IGF2BP2: variants seen among roughly 807,000 people sequenced by gnomAD.
IGF2BP2 encodes the protein insulin like growth factor 2 mRNA binding protein 2, also known as insulin-like growth factor 2 mRNA-binding protein 2.
A neutral mutation model predicts 75.8 loss-of-function variants in IGF2BP2; 17 were observed. The ratio of observed to expected loss-of-function variants is 0.22; its 90% confidence interval spans 0.15 to 0.34. IGF2BP2 has a LOEUF of 0.34. IGF2BP2 is among the 10% of genes least tolerant of loss of function. The pLI is 1.00. For synonymous variants in IGF2BP2, 288 were observed against 295.6 expected, an observed-to-expected ratio of 0.97 and a Z score of 0.26; for missense variants, 516 against 772.4, an observed-to-expected ratio of 0.67 and a Z score of 3.93.
chr3:185,726,662 C>T (rs979906234), intron 2 of IGF2BP2, among the ~76,000 whole-genome samples: 2 of 152,134 alleles, frequency 1.3e-5, no homozygotes, highest in African/African-American at 4.8e-5. Context: ...TAGATATTAT[C>T]GTTGGATGAG....
At chr3:185,677,047 A>ATATATT (rs1719575927) in intron 7 of IGF2BP2, among the ~76,000 whole-genome samples, 1 of 45,384 alleles carries the variant, frequency 2.2e-5, no homozygotes, top group Non-Finnish European at 4.1e-5. Context: ...ATATGGAGAT[A>ATATATT]TATATATATA....
At chr3:185,824,680 G>A in intron 1 of IGF2BP2, 103 bp downstream of exon 1, 1 of 889,264 alleles carries the variant, frequency 1.1e-6, no homozygotes. Context: ...TGCGGGCGCG[G>A]GAGCCGCCGC....
intron 2 of IGF2BP2, among the ~76,000 whole-genome samples, chr3:185,755,250 C>T (rs555455330): frequency 2.0e-5 from 3 of 152,350 alleles, no homozygotes; most frequent in South Asian, 2.1e-4. Context: ...GCTCCAGCCA[C>T]GGTTCACAGG....
chr3:185,824,871 C>G lies in IGF2BP2; in HGVS notation c.90G>C (p.Leu30=), dbSNP rs139618324. 3.3e-4 allele frequency: 521 copies of G among 1,566,056 alleles called. No individual in the cohort carries two copies. Among genetic ancestry groups the G allele is most frequent in the Non-Finnish European group, 4.2e-4 (491 of 1,156,316 alleles). ...RQLFGDRKLP[L]AGQVLLKSGY... ...CGGACTTCAGCAGGACCTGTCCCGCCAGGGGCAGCTTCCTGTCCCCAAAGA... is the reference window on the plus strand; with the variant it reads ...CGGACTTCAGCAGGACCTGTCCCGCGAGGGGCAGCTTCCTGTCCCCAAAGA... The change falls in exon 1 of 16, where the codon CTG becomes CTC. Residue 30 remains leucine (L), a synonymous_variant. Transcript: ENST00000382199.
At chr3:185,768,678 T>C (rs1733434897) in intron 2 of IGF2BP2, among the ~76,000 whole-genome samples, 2 of 152,196 alleles carry the variant, frequency 1.3e-5, no homozygotes, top group Admixed American at 6.5e-5. Flanking sequence ...TGCCCTCTAG[T>C]GGTGGAGTAT....
chr3:185,773,954 T>C (rs910297291), intron 2 of IGF2BP2, among the ~76,000 whole-genome samples: 1 of 152,192 alleles, frequency 6.6e-6, no homozygotes, highest in Non-Finnish European at 1.5e-5. Flanking sequence ...ATCTTCTCAC[T>C]TCTGGCCCTC....
chr3:185,738,722 T>C (rs973117179), intron 2 of IGF2BP2, among the ~76,000 whole-genome samples: 13 of 152,220 alleles, frequency 8.5e-5, no homozygotes, highest in African/African-American at 3.1e-4. Flanking sequence ...AATCAGAAAA[T>C]ATTCCTGGTA....
intron 12 of IGF2BP2, among the ~76,000 whole-genome samples, chr3:185,654,755 G>A (rs1402543872): frequency 6.6e-6 from 1 of 152,224 alleles, no homozygotes. Flanking sequence ...GGTAAGCAGG[G>A]CTGGAGTCAG....
chr3:185,647,204 C>A lies in IGF2BP2; in HGVS notation c.1594-66G>T. 8.6e-7 allele frequency: 1 copy of A among 1,161,866 alleles called. No homozygotes were observed. Among genetic ancestry groups the A allele is most frequent in the Non-Finnish European group, 1.3e-6 (1 of 768,476 alleles). The allele number at this position is 1,161,866 out of a possible 1,614,324, so 72.0% of individuals were successfully genotyped here. A position where few individuals can be genotyped will look rare whatever the true frequency, so the allele number is the denominator to read the frequency against. On this transcript the variant is annotated intron_variant, in intron 14 of 15. Coordinates refer to ENST00000382199, the MANE Select transcript of IGF2BP2 (RefSeq NM_006548.6). The surrounding 1 kb of genome is among the most constrained non-coding windows in gnomAD (Gnocchi z 4.9). ...CCCCGTCAACGTGGTGGGCTCAGGACGGAGTGAGGGGCCAAGAGGTGGAGC... is the reference window on the plus strand; with the variant it reads ...CCCCGTCAACGTGGTGGGCTCAGGAAGGAGTGAGGGGCCAAGAGGTGGAGC...
chr3:185,673,123 A>T (rs1025093829), intron 9 of IGF2BP2, among the ~76,000 whole-genome samples: 8 of 152,172 alleles, frequency 5.3e-5, no homozygotes, highest in Admixed American at 1.3e-4. Flanking sequence ...GCTTTCTTTC[A>T]TCCCAAAGAT....
At position 185,735,256 on chromosome 3, in the gene IGF2BP2, G is replaced by A. The variant is rs565528598; in HGVS notation, c.240-36909C>T. Among the ~76,000 whole-genome samples, 201 of 150,708 alleles carry A rather than the reference G, an allele frequency of 1.3e-3. 2 individuals are homozygous for A. The highest frequency in any genetic ancestry group is 2.7e-3 in the Non-Finnish European group (183 of 67,906). Reference sequence around the variant, plus strand: ...CGCCTTCCGGGTTCAAGTGATTCTCGTCCCTCAGCCTCCCGAGTAGCTGGG... The same window carrying A: ...CGCCTTCCGGGTTCAAGTGATTCTCATCCCTCAGCCTCCCGAGTAGCTGGG... On this transcript the variant is annotated intron_variant, in intron 2 of 15. Coordinates refer to ENST00000382199, the MANE Select transcript of IGF2BP2 (RefSeq NM_006548.6).
chr3:185,744,328 A>G (rs1347152348), intron 2 of IGF2BP2, among the ~76,000 whole-genome samples: 3 of 152,128 alleles, frequency 2.0e-5, no homozygotes, highest in Admixed American at 2.0e-4. Context: ...TTCACTTTAT[A>G]CTCATTCATT....
rs374585706 is a variant in IGF2BP2 at position 185,696,595 on chromosome 3, G to C, written c.340+17C>G. 41 of 1,610,538 alleles carry C rather than the reference G, an allele frequency of 2.5e-5. No homozygotes were observed. The South Asian group carries it at 3.3e-4, about 13-fold the overall frequency. On this transcript the variant is annotated intron_variant, in intron 4 of 15. Transcript: ENST00000382199. ...AATATCTCTCTCCAAAACCCAAAAG[G>C]CTTCCTCACTTATTACCTTGTTCCA...
intron 2 of IGF2BP2, among the ~76,000 whole-genome samples, chr3:185,797,944 G>A (rs1737660863): frequency 6.8e-6 from 1 of 147,990 alleles, no homozygotes; most frequent in Middle Eastern, 3.3e-3. Flanking sequence ...GCTCATGCCT[G>A]TAATCTCAAC....
At chr3:185,711,699 T>C (rs2149418332) in intron 2 of IGF2BP2, among the ~76,000 whole-genome samples, 1 of 152,318 alleles carries the variant, frequency 6.6e-6, no homozygotes, top group East Asian at 1.9e-4. Context: ...CAAATTCCTT[T>C]TCCTACCTCT....
At chr3:185,755,954 A>G (rs1286850654) in intron 2 of IGF2BP2, among the ~76,000 whole-genome samples, 1 of 152,210 alleles carries the variant, frequency 6.6e-6, no homozygotes, top group East Asian at 1.9e-4. Context: ...GTATTTTGCA[A>G]TGTGAGAAGG....
chr3:185,725,971 TAA>T (rs1727271232), intron 2 of IGF2BP2, among the ~76,000 whole-genome samples: 1 of 152,026 alleles, frequency 6.6e-6, no homozygotes, highest in Non-Finnish European at 1.5e-5. Context: ...AAAAATAAAT[TAA>T]TAAATTAATT....
intron 2 of IGF2BP2, among the ~76,000 whole-genome samples, chr3:185,723,702 T>A (rs1042187555): frequency 2.0e-5 from 3 of 152,116 alleles, no homozygotes; most frequent in African/African-American, 7.2e-5. Flanking sequence ...TTACTGGAGC[T>A]CCCAGGCTAG....
intron 2 of IGF2BP2, among the ~76,000 whole-genome samples, chr3:185,780,356 T>G (rs112442551): frequency 1.3e-5 from 2 of 152,218 alleles, no homozygotes; most frequent in Admixed American, 6.5e-5. Flanking sequence ...ACTTATCACC[T>G]GTGGGACAAA....
Sources: allele counts gnomAD v4.1 joint callset (sites outside exome capture counted in the v4.1 genomes callset), GRCh38; gene constraint gnomAD v4.1.1; non-coding constraint Gnocchi (gnomAD v3.1); transcripts MANE v1.5; gene names NCBI Gene and HGNC (gene_info 2026-07-23, HGNC 2026-07-21).